The following SHISA9 variants were observed in gnomAD, a reference collection of about 807,000 sequenced individuals.
SHISA9 encodes the protein shisa family member 9.
A neutral mutation model predicts 38.0 loss-of-function variants in SHISA9; 13 were observed. The ratio of observed to expected loss-of-function variants is 0.34; its 90% confidence interval spans 0.22 to 0.54. The LOEUF is 0.54. Ranked by LOEUF, SHISA9 falls within the 20% of genes least tolerant of loss-of-function variation. The pLI is 0.91. For missense variants in SHISA9, 538 were observed against 575.8 expected, an observed-to-expected ratio of 0.93 and a Z score of 0.67; for synonymous variants, 275 against 242.0, an observed-to-expected ratio of 1.14 and a Z score of -1.27.
chr16:13,226,022 C>A (rs995178092), intron 4 of SHISA9, among the ~76,000 whole-genome samples: 9 of 152,106 alleles, frequency 5.9e-5, no homozygotes, highest in Admixed American at 1.3e-4. Flanking sequence ...CACGAGGTAC[C>A]GGGGCTGATT....
chr16:13,119,962 G>C (rs771367563), intron 2 of SHISA9, among the ~76,000 whole-genome samples: 2 of 151,572 alleles, frequency 1.3e-5, no homozygotes, highest in Non-Finnish European at 2.9e-5. Context: ...TCGGAAAGAT[G>C]GGGCAGGGAC....
At chr16:13,084,872 G>A (rs2141940469) in intron 2 of SHISA9, among the ~76,000 whole-genome samples, 1 of 152,308 alleles carries the variant, frequency 6.6e-6, no homozygotes, top group African/African-American at 2.4e-5. Context: ...AGACGGAACA[G>A]CTTATGAATG....
chr16:12,966,383 T>G (rs545754025), intron 2 of SHISA9, among the ~76,000 whole-genome samples: 1 of 152,262 alleles, frequency 6.6e-6, no homozygotes, highest in South Asian at 2.1e-4. Context: ...GCATCTTGTA[T>G]GACAAGAAGG....
intron 2 of SHISA9, among the ~76,000 whole-genome samples, chr16:13,012,209 T>G (rs2072686518): frequency 1.3e-5 from 2 of 152,178 alleles, no homozygotes; most frequent in Admixed American, 6.5e-5. Context: ...TTATTTCCCT[T>G]ACAGAGTGAA....
chr16:13,140,259 C>A (rs976692254), intron 2 of SHISA9, among the ~76,000 whole-genome samples: 1 of 151,124 alleles, frequency 6.6e-6, no homozygotes, highest in Non-Finnish European at 1.5e-5. Context: ...TCACTGTAAC[C>A]TCCACCTCCC....
the SHISA9 span, among the ~76,000 whole-genome samples, chr16:13,492,299 G>A: frequency 6.6e-6 from 1 of 152,100 alleles, no homozygotes; most frequent in Admixed American, 6.5e-5. Flanking sequence ...ATCACTCCTG[G>A]AATTGGAGCT....
the SHISA9 span, among the ~76,000 whole-genome samples, chr16:13,381,922 A>C: frequency 6.6e-5 from 10 of 152,334 alleles, no homozygotes; most frequent in East Asian, 1.9e-3. Context: ...GGTAAATGAC[A>C]TGAAGAGAGT....
the SHISA9 span, among the ~76,000 whole-genome samples, chr16:13,480,822 T>C: frequency 6.6e-6 from 1 of 152,126 alleles, no homozygotes; most frequent in East Asian, 1.9e-4. Flanking sequence ...GTCCATCCCC[T>C]GCAAATCACT....
chr16:13,406,858 C>T, the SHISA9 span, among the ~76,000 whole-genome samples: 2 of 151,930 alleles, frequency 1.3e-5, no homozygotes, highest in African/African-American at 2.4e-5. Flanking sequence ...CATCTGAGGT[C>T]GGGAATTCTA....
chr16:13,549,924 G>A, the SHISA9 span, among the ~76,000 whole-genome samples: 89 of 151,976 alleles, frequency 5.9e-4, no homozygotes, highest in African/African-American at 2.1e-3. Flanking sequence ...TTGGGAGGCT[G>A]AGGCAGGAGA....
chr16:13,317,843 T>C, the SHISA9 span, among the ~76,000 whole-genome samples: 1 of 152,210 alleles, frequency 6.6e-6, no homozygotes, highest in Non-Finnish European at 1.5e-5. Flanking sequence ...TCCAGAAGTA[T>C]CTAAAGTCCC....
chr16:13,337,192 C>A, the SHISA9 span, among the ~76,000 whole-genome samples: 1 of 152,148 alleles, frequency 6.6e-6, no homozygotes, highest in Admixed American at 6.6e-5. Flanking sequence ...CCACCCCAGT[C>A]TCATCTTGAA....
chr16:13,186,287 C>CTTTTTT (rs1567239378), intron 2 of SHISA9, among the ~76,000 whole-genome samples: 1 of 123,814 alleles, frequency 8.1e-6, no homozygotes, highest in Non-Finnish European at 1.7e-5. Flanking sequence ...ACCATCTTAA[C>CTTTTTT]CTTTTTTTTT....
intron 2 of SHISA9, among the ~76,000 whole-genome samples, chr16:13,200,409 A>AACACACACACAC (rs148088145): frequency 0.061 from 8,385 of 136,434 alleles, 372 homozygotes; most frequent in Middle Eastern, 0.13. Context: ...TATATCATGA[A>AACACACACACAC]ACACACACAC....
At chr16:13,083,596 G>A (rs531405906) in intron 2 of SHISA9, among the ~76,000 whole-genome samples, 1 of 152,158 alleles carries the variant, frequency 6.6e-6, no homozygotes, top group Non-Finnish European at 1.5e-5. Flanking sequence ...GAAGCCCTAA[G>A]CATCAATTGC....
chr16:13,078,697 C>T (rs570400137), intron 2 of SHISA9, among the ~76,000 whole-genome samples: 5 of 152,326 alleles, frequency 3.3e-5, no homozygotes, highest in South Asian at 2.1e-4. Context: ...TGAGCTACCA[C>T]GCCTGGCCCC....
At chr16:13,163,279 TAA>T (rs1442713530) in intron 2 of SHISA9, among the ~76,000 whole-genome samples, 3 of 152,178 alleles carry the variant, frequency 2.0e-5, no homozygotes, top group Non-Finnish European at 4.4e-5. Flanking sequence ...AAATGTCTTT[TAA>T]AAAAGAGTCT....
intron 2 of SHISA9, among the ~76,000 whole-genome samples, chr16:13,186,629 C>A (rs9925159): frequency 0.15 from 22,674 of 152,000 alleles, 1,963 homozygotes; most frequent in Middle Eastern, 0.23. Context: ...TGTACATTTC[C>A]GTAGAGTTTA....
chr16:13,054,916 C>A (rs1177133140), intron 2 of SHISA9, among the ~76,000 whole-genome samples: 1 of 152,202 alleles, frequency 6.6e-6, no homozygotes, highest in Non-Finnish European at 1.5e-5. Context: ...TCTAGTCTAA[C>A]CCTAGTTTGC....
Sources: allele counts gnomAD v4.1 joint callset (sites outside exome capture counted in the v4.1 genomes callset), GRCh38; gene constraint gnomAD v4.1.1; transcripts MANE v1.5; gene names NCBI Gene and HGNC (gene_info 2026-07-23, HGNC 2026-07-21).